The following SEMA6D variants were observed in gnomAD, a reference collection of about 807,000 sequenced individuals.
SEMA6D encodes semaphorin 6D.
SEMA6D carries 35 observed loss-of-function variants against 106.6 expected under a neutral mutation model. The ratio of observed to expected loss-of-function variants is 0.33; its 90% CI spans 0.25 to 0.44. The LOEUF (loss-of-function observed/expected upper bound fraction) is 0.44, where lower values mean the gene tolerates loss of function less well. Ranked by LOEUF, SEMA6D falls within the 20% of genes least tolerant of loss-of-function variation. The pLI, the probability that SEMA6D is intolerant of heterozygous loss-of-function variation, is 1.00. For missense variants in SEMA6D, 1,185 were observed against 1,345.9 expected, an observed-to-expected ratio of 0.88 and a Z score of 1.87; for synonymous variants, 499 against 487.7, an observed-to-expected ratio of 1.02 and a Z score of -0.31.
At chr15:47,471,918 C>CTT (rs1380822169) in intron 3 of SEMA6D, among the ~76,000 whole-genome samples, 3 of 133,436 alleles carry the variant, frequency 2.2e-5, no homozygotes, top group African/African-American at 3.1e-5. Context: ...CTCTCTCTCT[C>CTT]TCTCTCTCTC....
chr15:47,696,470 G>C (rs1032017566), intron 4 of SEMA6D, among the ~76,000 whole-genome samples: 10 of 152,192 alleles, frequency 6.6e-5, no homozygotes, highest in African/African-American at 2.2e-4. Flanking sequence ...AGGGGCTGTG[G>C]GGAAGGAGAG....
At chr15:47,300,215 G>A (rs552479611) in intron 1 of SEMA6D, among the ~76,000 whole-genome samples, 57 of 152,234 alleles carry the variant, frequency 3.7e-4, no homozygotes, top group Middle Eastern at 6.8e-3. Flanking sequence ...GCAGCAAGTG[G>A]TTTTAATGTC....
intron 4 of SEMA6D, among the ~76,000 whole-genome samples, chr15:47,651,231 A>G (rs1315650562): frequency 3.3e-5 from 5 of 152,056 alleles, no homozygotes; most frequent in Admixed American, 2.6e-4. Context: ...GCAACAGAGC[A>G]AGATCCCATG....
At chr15:47,690,736 GTTTTAGT>G in intron 4 of SEMA6D, among the ~76,000 whole-genome samples, 1 of 152,182 alleles carries the variant, frequency 6.6e-6, no homozygotes, top group African/African-American at 2.4e-5. Context: ...GTAAGCTATT[GTTTTAGT>G]TTTTAGTTTT....
Position 47,344,465 on chromosome 15 carries a change from G to C in SEMA6D, c.-238-67928G>C, listed in dbSNP as rs372207459. 5.3e-5 allele frequency among the ~76,000 whole-genome samples: 8 copies of C among 152,258 alleles called. No homozygotes were observed. The South Asian group carries it at 8.3e-4, about 16-fold the overall frequency. On this transcript the variant is annotated intron_variant, in intron 1 of 19. Transcript: ENST00000558014. ...GGGGAAAAACAAGGTAGGGCCTATGGGTGCTCCGGCTTACTCTTTGGAGAG... is the reference window on the plus strand; with the variant it reads ...GGGGAAAAACAAGGTAGGGCCTATGCGTGCTCCGGCTTACTCTTTGGAGAG...
intron 3 of SEMA6D, among the ~76,000 whole-genome samples, chr15:47,488,514 T>C (rs753063170): frequency 6.6e-6 from 1 of 152,082 alleles, no homozygotes; most frequent in Non-Finnish European, 1.5e-5. Context: ...GTACATAGTA[T>C]GTACTATGAG....
intron 1 of SEMA6D, among the ~76,000 whole-genome samples, chr15:47,366,074 A>G (rs920182563): frequency 2.6e-5 from 4 of 152,244 alleles, no homozygotes; most frequent in African/African-American, 7.2e-5. Context: ...TACAGGGTCA[A>G]TGTTTTATTC....
intron 4 of SEMA6D, among the ~76,000 whole-genome samples, chr15:47,622,762 C>G (rs1174940233): frequency 6.6e-6 from 1 of 152,148 alleles, no homozygotes; most frequent in African/African-American, 2.4e-5. Context: ...AGCATTTGTT[C>G]CACTGAAGGC....
At chr15:47,716,233 T>A (rs944328866), upstream of SEMA6D, among the ~76,000 whole-genome samples, 1 of 152,212 alleles carries the variant, frequency 6.6e-6, no homozygotes, top group East Asian at 1.9e-4. Context: ...TCTCTCCCCT[T>A]CTTTCCTTGG....
At chr15:47,403,004 C>G (rs1025896893) in intron 1 of SEMA6D, among the ~76,000 whole-genome samples, 12 of 152,162 alleles carry the variant, frequency 7.9e-5, no homozygotes, top group African/African-American at 2.4e-4. Context: ...GTCCTGTTCA[C>G]AGCAGAATCA....
chr15:47,229,401 G>C (rs997854421), intron 1 of SEMA6D, among the ~76,000 whole-genome samples: 1 of 151,852 alleles, frequency 6.6e-6, no homozygotes, highest in Non-Finnish European at 1.5e-5. Flanking sequence ...AAAAAAATGG[G>C]GGATGCAGTT....
chr15:47,768,695 A>G lies in SEMA6D; in HGVS notation c.1880A>G (p.Gln627Arg), dbSNP rs779996553. Reference sequence around the variant, plus strand: ...ACAAGCTCTCGGAAATTTGTAGTTCAAGATGATCCAAACACTTCTGATTTT... The same window carrying G: ...ACAAGCTCTCGGAAATTTGTAGTTCGAGATGATCCAAACACTTCTGATTTT... ...KLTSSRKFVV[Q>R]DDPNTSDFTD... Residue 627 changes from glutamine to arginine, a missense_variant, in exon 18 of 19, where the codon CAA (glutamine) becomes CGA (arginine). Gln to Arg is a conservative substitution (Grantham distance 43, BLOSUM62 1). This residue lies in a region of SEMA6D where 750 missense variants were observed against 783.5 expected (regional missense o/e 0.96). Coordinates refer to ENST00000536845, the MANE Select transcript of SEMA6D (RefSeq NM_001358351.3). 24 of 1,613,546 alleles carry G rather than the reference A, an allele frequency of 1.5e-5. No homozygotes were observed. Among genetic ancestry groups the G allele is most frequent in the Admixed American group, 1.2e-4 (7 of 59,982 alleles).
chr15:47,219,648 C>T (rs969868422), intron 1 of SEMA6D, among the ~76,000 whole-genome samples: 1 of 152,184 alleles, frequency 6.6e-6, no homozygotes, highest in Non-Finnish European at 1.5e-5. Context: ...ACCTTCCTTA[C>T]TGTATTATTT....
At chr15:47,225,654 A>G (rs887373865) in intron 1 of SEMA6D, among the ~76,000 whole-genome samples, 25 of 149,354 alleles carry the variant, frequency 1.7e-4, no homozygotes, top group African/African-American at 6.0e-4. Flanking sequence ...CAGCCTTCCC[A>G]AGTGTCTGGG....
At chr15:47,312,728 T>C (rs1466460572) in intron 1 of SEMA6D, among the ~76,000 whole-genome samples, 1 of 152,210 alleles carries the variant, frequency 6.6e-6, no homozygotes, top group Non-Finnish European at 1.5e-5. Context: ...TTAAACAATA[T>C]TTTTATATAA....
chr15:47,455,185 G>A (rs751889376), intron 2 of SEMA6D, among the ~76,000 whole-genome samples: 1 of 151,678 alleles, frequency 6.6e-6, no homozygotes, highest in Non-Finnish European at 1.5e-5. Flanking sequence ...GACCATAATT[G>A]GAGGAAGAAT....
Position 47,771,844 on chromosome 15 carries a change from G to T in SEMA6D, c.*59G>T, listed in dbSNP as rs2082644959. 1 of 1,479,502 alleles carries T rather than the reference G, an allele frequency of 6.8e-7. No homozygotes were observed. Among genetic ancestry groups the T allele is most frequent in the African/African-American group, 1.4e-5 (1 of 71,530 alleles). The allele number at this position is 1,479,502 out of a possible 1,614,324, so 91.6% of individuals were successfully genotyped here. On this transcript the variant is annotated 3_prime_UTR_variant, in exon 19 of 19. Coordinates refer to ENST00000536845, the MANE Select transcript of SEMA6D (RefSeq NM_001358351.3). ...CTGTCCGTGTTGTTGAGAGGATGAT[G>T]TTGTAAGGGTACCTTAAAACAAGAG...
At chr15:47,446,833 G>A (rs2042042549) in intron 2 of SEMA6D, among the ~76,000 whole-genome samples, 1 of 152,116 alleles carries the variant, frequency 6.6e-6, no homozygotes, top group African/African-American at 2.4e-5. Flanking sequence ...CATGTCTGTT[G>A]TAGCAAATTT....
chr15:47,633,992 C>A (rs2077336648), intron 4 of SEMA6D, among the ~76,000 whole-genome samples: 1 of 152,116 alleles, frequency 6.6e-6, no homozygotes, highest in African/African-American at 2.4e-5. Flanking sequence ...AAAATAATTT[C>A]TATTCCTTTG....
Sources: gnomAD v4.1 joint callset for allele counts (sites outside exome capture counted in the v4.1 genomes callset) on GRCh38, gnomAD v4.1.1 for gene constraint, gnomAD v4.1.1 regional missense constraint, MANE v1.5 for transcripts, NCBI Gene and HGNC (gene_info 2026-07-23, HGNC 2026-07-21) for gene names.